CLTCL1: variants seen among roughly 807,000 people sequenced by gnomAD.
The protein encoded by CLTCL1 is clathrin heavy chain like 1.
CLTCL1 carries 159 observed loss-of-function variants against 190.0 expected under a neutral mutation model. The observed-to-expected ratio is 0.84, with a 90% CI of 0.74 to 0.95. The LOEUF (loss-of-function observed/expected upper bound fraction) is 0.95. CLTCL1 is among the 40% of genes least tolerant of loss of function. The pLI is 0.00. For synonymous variants in CLTCL1, 752 were observed against 769.6 expected (o/e 0.98, Z 0.38); for missense variants, 1,878 against 2,033.4 (o/e 0.92, Z 1.47).
intron 1 of CLTCL1, among the ~76,000 whole-genome samples, chr22:19,281,587 G>GT (rs1210886954): frequency 1.3e-5 from 2 of 152,194 alleles, no homozygotes; most frequent in Non-Finnish European, 2.9e-5. Context: ...CCACGTATTG[G>GT]TAAGCAATCA....
intron 3 of CLTCL1, among the ~76,000 whole-genome samples, chr22:19,250,275 A>G (rs1427683038): frequency 6.6e-6 from 1 of 151,862 alleles, no homozygotes; most frequent in Non-Finnish European, 1.5e-5. Context: ...AAAAGAAAAG[A>G]AAGGAAAACA....
chr22:19,265,702 A>G (rs1555977601), intron 2 of CLTCL1, among the ~76,000 whole-genome samples: 1 of 152,192 alleles, frequency 6.6e-6, no homozygotes, highest in Non-Finnish European at 1.5e-5. Flanking sequence ...CCATAAAAAT[A>G]CACATACATA....
intron 18 of CLTCL1, among the ~76,000 whole-genome samples, chr22:19,217,951 G>C (rs1478193015): frequency 6.6e-6 from 1 of 151,942 alleles, no homozygotes; most frequent in Non-Finnish European, 1.5e-5. Flanking sequence ...CCATCTGTTT[G>C]AGTCAATACA....
At chr22:19,236,615 T>C (rs1054202925) in intron 5 of CLTCL1, among the ~76,000 whole-genome samples, 3 of 152,050 alleles carry the variant, frequency 2.0e-5, no homozygotes, top group Non-Finnish European at 4.4e-5. Context: ...AGAGAGAAAA[T>C]AATTAAGAGC....
chr22:19,279,792 C>T (rs1325853322), intron 1 of CLTCL1, among the ~76,000 whole-genome samples: 1 of 152,192 alleles, frequency 6.6e-6, no homozygotes, highest in Admixed American at 6.5e-5. Context: ...CTTGTTTCTT[C>T]TCAGAGTCAA....
Position 19,222,693 on chromosome 22 carries a change from G to A in CLTCL1, c.2409C>T (p.Tyr803=), listed in dbSNP as rs556351450. Residue 803 remains tyrosine, a synonymous_variant, in exon 15 of 33, where the codon TAC becomes TAT. Transcript: ENST00000427926. ...AGGGAGCCAGCAGTACCTTCTGCAC[G>A]TAGATCTCAATGTACCTCTGCAGGT... ...RNNLQRYIEI[Y]VQKVNPSRTP... 41 of 1,590,736 alleles carry A rather than the reference G, an allele frequency of 2.6e-5. No individual in the cohort carries two copies. Among genetic ancestry groups the A allele is most frequent in the South Asian group, 1.3e-4 (11 of 86,974 alleles).
Position 19,233,315 on chromosome 22 carries a change from C to A in CLTCL1, c.1372G>T (p.Glu458Ter). ...AAGTCTCCGAGCTCCTCTGAGCACT[C>A]CAGCTGTGGTATGCCAAGGGACAAG... ...LEKWLKEDKL[E>*]CSEELGDLVK... Residue 458 changes from glutamate to a stop codon, truncating the protein, a stop_gained, in exon 9 of 33, where the codon GAG (glutamate) becomes TAG (stop). Transcript: ENST00000427926. LOFTEE classifies it high-confidence loss of function. 2 of 1,612,278 alleles carry A rather than the reference C, an allele frequency of 1.2e-6. No homozygotes were observed. The highest frequency in any genetic ancestry group is 1.7e-6 in the Non-Finnish European group (2 of 1,178,432).
At chr22:19,247,463 A>G (rs2086454348) in intron 3 of CLTCL1, among the ~76,000 whole-genome samples, 1 of 152,188 alleles carries the variant, frequency 6.6e-6, no homozygotes, top group Non-Finnish European at 1.5e-5. Flanking sequence ...ACTATGATTT[A>G]TAATTTTTGT....
intron 2 of CLTCL1, among the ~76,000 whole-genome samples, chr22:19,264,368 T>C (rs1555976980): frequency 6.6e-6 from 1 of 151,854 alleles, no homozygotes; most frequent in East Asian, 1.9e-4. Context: ...GCAACCACTA[T>C]AGAAAAGAGA....
intron 18 of CLTCL1, among the ~76,000 whole-genome samples, chr22:19,217,993 TG>T (rs1369359273): frequency 6.6e-6 from 1 of 152,212 alleles, no homozygotes; most frequent in East Asian, 1.9e-4. Context: ...CTCAGGACAC[TG>T]CTCTCAGTAA....
At chr22:19,252,749 T>G (rs527944461) in intron 3 of CLTCL1, among the ~76,000 whole-genome samples, 104 of 152,326 alleles carry the variant, frequency 6.8e-4, no homozygotes, top group Non-Finnish European at 1.1e-3. Flanking sequence ...GCGCGGTGGC[T>G]CACGCCTGTA....
intron 27 of CLTCL1, among the ~76,000 whole-genome samples, chr22:19,190,787 T>C (rs533598623): frequency 6.6e-6 from 1 of 151,696 alleles, no homozygotes; most frequent in Non-Finnish European, 1.5e-5. Context: ...TTTTTTTTTT[T>C]TTTCTTTTGA....
intron 1 of CLTCL1, among the ~76,000 whole-genome samples, chr22:19,277,111 G>A (rs1341916637): frequency 1.3e-5 from 2 of 152,132 alleles, no homozygotes; most frequent in Non-Finnish European, 2.9e-5. Flanking sequence ...CATTAAAATT[G>A]CACCACCCTT....
At chr22:19,218,434 T>C (rs948742900) in intron 18 of CLTCL1, among the ~76,000 whole-genome samples, 1 of 152,108 alleles carries the variant, frequency 6.6e-6, no homozygotes, top group East Asian at 1.9e-4. Flanking sequence ...TATTTCAAAA[T>C]AAAAAGTTTA....
At chr22:19,245,186 C>CTTTTTTT (rs1194266137) in intron 3 of CLTCL1, among the ~76,000 whole-genome samples, 4 of 118,836 alleles carry the variant, frequency 3.4e-5, no homozygotes, top group Non-Finnish European at 3.5e-5. Context: ...TCTCCCCCTC[C>CTTTTTTT]TTTTTTTTTT....
chr22:19,203,929 T>G (rs1041573881), intron 22 of CLTCL1, among the ~76,000 whole-genome samples: 1 of 152,134 alleles, frequency 6.6e-6, no homozygotes, highest in Non-Finnish European at 1.5e-5. Flanking sequence ...GCTTCTCTCC[T>G]CACACCCCAC....
At position 19,229,863 on chromosome 22, in the gene CLTCL1, T is replaced by A; in HGVS notation, c.1757A>T (p.Glu586Val). The A allele has an allele frequency of 6.2e-7, 1 of 1,610,830 alleles. No individual in the cohort carries two copies. The highest frequency in any genetic ancestry group is 1.1e-5 in the South Asian group (1 of 90,282). The change falls in exon 11 of 33, where the codon GAG becomes GTG. Residue 586 changes from glutamate (E) to valine (V), a missense_variant. By Grantham distance (121) the Glu-to-Val change is moderately radical. Transcript: ENST00000427926. ...AEGLLQTWLL[E>V]MNLVHAPQVA... ...CTGGGGTGCATGAACAAGGTTCATC[T>A]CCAACAGCCATGTCTGCAGGAGTCC...
intron 24 of CLTCL1, among the ~76,000 whole-genome samples, chr22:19,197,462 G>A (rs1323739506): frequency 2.6e-5 from 4 of 152,078 alleles, no homozygotes; most frequent in Admixed American, 2.0e-4. Context: ...CCACAGCTCC[G>A]GTGACTCCTC....
At chr22:19,212,791 C>CA (rs1555947648) in intron 19 of CLTCL1, among the ~76,000 whole-genome samples, 1 of 152,150 alleles carries the variant, frequency 6.6e-6, no homozygotes, top group Non-Finnish European at 1.5e-5. Context: ...ATAAACTGGA[C>CA]ATTCATATGC....
Sources: gnomAD v4.1 joint callset for allele counts (sites outside exome capture counted in the v4.1 genomes callset) on GRCh38, gnomAD v4.1.1 for gene constraint, MANE v1.5 for transcripts, NCBI Gene and HGNC (gene_info 2026-07-23, HGNC 2026-07-21) for gene names.